UBE2R2: variants seen among roughly 807,000 people sequenced by gnomAD.
UBE2R2 encodes the protein ubiquitin-conjugating enzyme E2 R2.
In UBE2R2, 1 loss-of-function variant was observed where a neutral mutation model predicts 27.8. That is an observed-to-expected ratio of 0.04 (90% CI 0.01 to 0.17). The LOEUF (loss-of-function observed/expected upper bound fraction) is 0.17. Ranked by LOEUF, UBE2R2 falls within the 10% of genes least tolerant of loss-of-function variation. The pLI is 1.00. For missense variants in UBE2R2, 100 were observed against 291.0 expected (o/e 0.34, Z 4.78); for synonymous variants, 106 against 113.3 (o/e 0.94, Z 0.41).
chr9:33,878,625 C>T (rs1204761126), intron 1 of UBE2R2, among the ~76,000 whole-genome samples: 1 of 151,260 alleles, frequency 6.6e-6, no homozygotes, highest in Admixed American at 6.6e-5. Flanking sequence ...CTCAAATTTA[C>T]AAAAAAAAGG....
chr9:33,912,205 C>T, intron 4 of UBE2R2, 107 bp downstream of exon 4: 1 of 1,026,764 alleles, frequency 9.7e-7, no homozygotes, highest in Non-Finnish European at 1.4e-6. Context: ...GGATAATTTT[C>T]CTCTATTAGA....
In UBE2R2 at chr9:33,899,048, T is replaced by C. The variant is rs570205975; in HGVS notation, c.265-1126T>C. On this transcript the variant is annotated intron_variant, in intron 2 of 4. Coordinates refer to ENST00000263228, the MANE Select transcript of UBE2R2 (RefSeq NM_017811.4). ...TGCTGCGAGGCATATTTTTGGTTTATATAAGTCATGGTTATTGACATAGCA... is the reference window on the plus strand; with the variant it reads ...TGCTGCGAGGCATATTTTTGGTTTACATAAGTCATGGTTATTGACATAGCA... Among the ~76,000 whole-genome samples the C allele has an allele frequency of 2.0e-5, 3 of 152,364 alleles. No homozygotes were observed. The South Asian group carries it at 6.2e-4, about 32-fold the overall frequency.
intron 1 of UBE2R2, among the ~76,000 whole-genome samples, chr9:33,826,976 G>A (rs963727344): frequency 2.0e-5 from 3 of 152,136 alleles, no homozygotes; most frequent in Admixed American, 6.5e-5. Context: ...CCAGCTATCC[G>A]AGAGGCTGAA....
intron 1 of UBE2R2, among the ~76,000 whole-genome samples, chr9:33,855,741 C>G (rs1006819283): frequency 1.3e-5 from 2 of 152,200 alleles, no homozygotes; most frequent in African/African-American, 4.8e-5. Flanking sequence ...AAGGCTGGAA[C>G]AGTGGATGCT....
intron 1 of UBE2R2, among the ~76,000 whole-genome samples, chr9:33,882,383 T>G (rs1024076580): frequency 5.3e-5 from 8 of 151,976 alleles, no homozygotes; most frequent in African/African-American, 1.9e-4. Context: ...CCTGCCCGGG[T>G]TCAAGCAATT....
intron 1 of UBE2R2, among the ~76,000 whole-genome samples, chr9:33,862,409 TAGAC>T (rs1397434627): frequency 2.0e-5 from 3 of 152,202 alleles, no homozygotes; most frequent in Admixed American, 2.0e-4. Context: ...CTGGCTAAAT[TAGAC>T]AGAACTGCCA....
chr9:33,815,683 A>G (rs1005332843), upstream of UBE2R2, among the ~76,000 whole-genome samples: 2 of 152,178 alleles, frequency 1.3e-5, no homozygotes, highest in African/African-American at 2.4e-5. Context: ...GGTTACTGCT[A>G]GAGTGAGCTA....
intron 4 of UBE2R2, 96 bp from the exon 5 acceptor site, chr9:33,916,922 C>CT: frequency 1.3e-6 from 2 of 1,505,166 alleles, no homozygotes; most frequent in Non-Finnish European, 1.8e-6. Flanking sequence ...GTTTGGAGAG[C>CT]TGAGTCATAA....
At chr9:33,859,709 T>C (rs1285269914) in intron 1 of UBE2R2, among the ~76,000 whole-genome samples, 1 of 152,046 alleles carries the variant, frequency 6.6e-6, no homozygotes, top group African/African-American at 2.4e-5. Context: ...TTTGGTTATT[T>C]AAATGTAGGT....
At chr9:33,868,453 T>TC (rs1373369190) in intron 1 of UBE2R2, 1 of 152,222 alleles carries the variant, frequency 6.6e-6, no homozygotes, top group East Asian at 1.9e-4. Context: ...CACTTTTTTT[T>TC]CCCACATACT....
rs146748522 is a variant in UBE2R2 at position 33,885,533 on chromosome 9, A to G, written c.178-1348A>G. The stretch of plus-strand genomic sequence containing the variant: ...AACCATTAGAAAAGTAAACTTAATG[A>G]CAATTCTCTGGGAGTAAGGCTTTGG... On this transcript the variant is annotated intron_variant, in intron 1 of 4. Transcript: ENST00000263228. Among the ~76,000 whole-genome samples the G allele has an allele frequency of 4.5e-3, 688 of 152,342 alleles. 23 individuals are homozygous for G. Among genetic ancestry groups the G allele is most frequent in the Admixed American group, 0.04 (612 of 15,288 alleles).
At chr9:33,830,935 C>T (rs1820459839) in intron 1 of UBE2R2, 1 of 151,842 alleles carries the variant, frequency 6.6e-6, no homozygotes, top group Non-Finnish European at 1.5e-5. Context: ...GTTGAAATAA[C>T]TGTGGTTCCA....
intron 1 of UBE2R2, among the ~76,000 whole-genome samples, chr9:33,868,300 G>T (rs560755259): frequency 1.0e-3 from 156 of 152,238 alleles, no homozygotes; most frequent in Non-Finnish European, 2.1e-3. Flanking sequence ...CAACATTTGG[G>T]CTGAAAAATA....
At position 33,859,791 on chromosome 9, in the gene UBE2R2, TGTGTGTGTGA is replaced by T. The variant is rs1164507277; in HGVS notation, c.178-27088_178-27079del. Among the ~76,000 whole-genome samples, 8 of 109,976 alleles carry T rather than the reference TGTGTGTGTGA, an allele frequency of 7.3e-5. No individual in the cohort carries two copies. The East Asian group carries it at 1.9e-3, about 26-fold the overall frequency. 72.1% of individuals were successfully genotyped at this position (109,976 alleles called of 152,430 possible). A position where few individuals can be genotyped will look rare whatever the true frequency, so the allele number is the denominator to read the frequency against. ...GTGTGTGTGTGTGTGTGTGTGTGTG[TGTGTGTGTGA>T]GAGAGAGAGAGAGAGAGAGAGACAG... On this transcript the variant is annotated intron_variant, in intron 1 of 4. Transcript: ENST00000263228.
intron 1 of UBE2R2, among the ~76,000 whole-genome samples, chr9:33,883,204 C>G (rs1362490462): frequency 6.6e-6 from 1 of 152,060 alleles, no homozygotes; most frequent in African/African-American, 2.4e-5. Flanking sequence ...AGATTTACAC[C>G]TATGTTTTCT....
chr9:33,823,381 T>A (rs187657805), intron 1 of UBE2R2, among the ~76,000 whole-genome samples: 1,566 of 127,572 alleles, frequency 0.012, 19 homozygotes, highest in African/African-American at 0.026. Flanking sequence ...TGAAAAAAAA[T>A]TTTTTTTTTT....
intron 3 of UBE2R2, among the ~76,000 whole-genome samples, chr9:33,904,934 C>T (rs1002786442): frequency 1.1e-4 from 16 of 152,126 alleles, no homozygotes; most frequent in African/African-American, 3.9e-4. Flanking sequence ...AGCATTATGC[C>T]TCTTCCTGAT....
Position 33,917,142 on chromosome 9 carries a change from G to A in UBE2R2, c.622G>A (p.Asp208Asn), listed in dbSNP as rs1320272305. ...TGACAACAGCTCAGATTTGCTTTAC[G>A]ACGACTTGTATGATGACGACATTGA... is the stretch of plus-strand genomic sequence containing the variant. ...SNDNSSDLLY[D>N]DLYDDDIDDE... The change falls in exon 5 of 5, where the codon GAC (aspartate) becomes AAC (asparagine). Residue 208 changes from aspartate (D) to asparagine (N), a missense_variant. Physicochemically the swap from Asp to Asn is conservative, Grantham distance 23. This residue lies in a region of UBE2R2 where 55 missense variants were observed against 122.6 expected (regional missense o/e 0.45). Coordinates refer to ENST00000263228, the MANE Select transcript of UBE2R2 (RefSeq NM_017811.4). 6 of 1,614,016 alleles carry A rather than the reference G, an allele frequency of 3.7e-6. No homozygotes were observed. The highest frequency in any genetic ancestry group is 2.2e-5 in the East Asian group (1 of 44,892).
chr9:33,856,211 G>A (rs981411864), intron 1 of UBE2R2, among the ~76,000 whole-genome samples: 21 of 152,152 alleles, frequency 1.4e-4, no homozygotes, highest in Non-Finnish European at 2.9e-4. Context: ...CCTTCCCCAC[G>A]TAGCCCTCCT....
Sources: gnomAD v4.1 joint callset for allele counts (sites outside exome capture counted in the v4.1 genomes callset) on GRCh38, gnomAD v4.1.1 for gene constraint, gnomAD v4.1.1 regional missense constraint, MANE v1.5 for transcripts, NCBI Gene and HGNC (gene_info 2026-07-23, HGNC 2026-07-21) for gene names.